The following PKIA variants were observed in gnomAD, a reference collection of about 807,000 sequenced individuals.
PKIA encodes the protein cAMP-dependent protein kinase inhibitor alpha.
A neutral mutation model predicts 7.6 loss-of-function variants in PKIA; 4 were observed. That is an observed-to-expected ratio of 0.52 (90% CI 0.26 to 1.20). PKIA has a LOEUF of 1.20. Ranked by LOEUF, PKIA falls within the 50% of genes most tolerant of loss-of-function variation. The pLI, the probability that PKIA is intolerant of heterozygous loss-of-function variation, is 0.13. For missense variants in PKIA, 73 were observed against 86.2 expected, an observed-to-expected ratio of 0.85 and a Z score of 0.61; for synonymous variants, 21 against 30.7, an observed-to-expected ratio of 0.68 and a Z score of 1.04.
Position 78,601,943 on chromosome 8 carries a change from C to T in PKIA, c.*122C>T. 3 of 731,514 alleles carry T rather than the reference C, an allele frequency of 4.1e-6. No individual in the cohort carries two copies. The highest frequency in any genetic ancestry group is 6.9e-6 in the Non-Finnish European group (3 of 436,816). The allele number at this position is 731,514 out of a possible 1,614,324, so 45.3% of individuals were successfully genotyped here. A position where few individuals can be genotyped will look rare whatever the true frequency, so the allele number is the denominator to read the frequency against. ...AAATGGCTGTGCTGCATTGCAGGAACCTGCTCATTATCATGTTAAAAATGA... is the reference window on the plus strand; with the variant it reads ...AAATGGCTGTGCTGCATTGCAGGAATCTGCTCATTATCATGTTAAAAATGA... On this transcript the variant is annotated 3_prime_UTR_variant, in exon 4 of 4. Transcript: ENST00000396418.
chr8:78,555,364 G>A (rs1024943302), intron 1 of PKIA, among the ~76,000 whole-genome samples: 3 of 151,768 alleles, frequency 2.0e-5, no homozygotes, highest in Non-Finnish European at 4.4e-5. Context: ...AAATGACTAA[G>A]ATCTTAAAGT....
intron 1 of PKIA, among the ~76,000 whole-genome samples, chr8:78,529,305 A>G (rs773015026): frequency 5.3e-5 from 8 of 152,126 alleles, no homozygotes; most frequent in Non-Finnish European, 1.0e-4. Context: ...ATGACTAGTA[A>G]TGCTCATTCT....
In PKIA at chr8:78,605,002, A is replaced by G. The variant is rs1197430670; in HGVS notation, c.*3181A>G. ...GCTATTTCTCTTCAGGGAAACAATA[A>G]TGGATAAAGAAATGTAACTGCCGGG... On this transcript the variant is annotated 3_prime_UTR_variant, in exon 4 of 4. Coordinates refer to ENST00000396418, the MANE Select transcript of PKIA (RefSeq NM_006823.4). 1 of 151,988 alleles carries G rather than the reference A, an allele frequency of 6.6e-6. No individual in the cohort carries two copies. The highest frequency in any genetic ancestry group is 1.5e-5 in the Non-Finnish European group (1 of 67,954). 9.4% of individuals were successfully genotyped at this position (151,988 alleles called of 1,614,324 possible). A position where few individuals can be genotyped will look rare whatever the true frequency, so the allele number is the denominator to read the frequency against.
intron 1 of PKIA, among the ~76,000 whole-genome samples, chr8:78,565,606 C>T (rs535857224): frequency 2.6e-5 from 4 of 151,924 alleles, no homozygotes; most frequent in Admixed American, 2.6e-4. Context: ...CCTGGCAGTG[C>T]TCTTGCTATT....
intron 3 of PKIA, among the ~76,000 whole-genome samples, chr8:78,601,354 A>G (rs543795404): frequency 6.6e-6 from 1 of 152,234 alleles, no homozygotes; most frequent in African/African-American, 2.4e-5. Context: ...ATCAGGCATA[A>G]AAAGGTAAAC....
At chr8:78,518,386 TCAA>T (rs1193418339) in intron 1 of PKIA, among the ~76,000 whole-genome samples, 1 of 152,204 alleles carries the variant, frequency 6.6e-6, no homozygotes, top group Non-Finnish European at 1.5e-5. Context: ...AAGAACAAGA[TCAA>T]CAACAAACCC....
chr8:78,576,413 T>C (rs1030012585), intron 2 of PKIA, among the ~76,000 whole-genome samples: 10 of 152,000 alleles, frequency 6.6e-5, no homozygotes, highest in African/African-American at 2.2e-4. Flanking sequence ...CTTGCTAATA[T>C]TACCTGTTAA....
chr8:78,522,675 T>C (rs1399874230), intron 1 of PKIA, among the ~76,000 whole-genome samples: 2 of 151,938 alleles, frequency 1.3e-5, no homozygotes, highest in Non-Finnish European at 2.9e-5. Flanking sequence ...TTATCATAGA[T>C]GACAAAGTGC....
At chr8:78,600,684 A>G (rs929177270) in intron 3 of PKIA, among the ~76,000 whole-genome samples, 2 of 152,120 alleles carry the variant, frequency 1.3e-5, no homozygotes, top group African/African-American at 4.8e-5. Flanking sequence ...TGAAAATTAT[A>G]TATAATGTCT....
In PKIA at chr8:78,602,718, A is replaced by ATATATATAT. The variant is rs1808381705; in HGVS notation, c.*897_*898insTATATATAT. The ATATATATAT allele has an allele frequency of 7.8e-6, 1 of 128,440 alleles. No individual in the cohort carries two copies. The highest frequency in any genetic ancestry group is 3.2e-5 in the African/African-American group (1 of 31,262). The allele number at this position is 128,440 out of a possible 1,614,324, so 8.0% of individuals were successfully genotyped here. ...TAATATATATATATATATATATTTTAATTTATGAGAATTTTGGACAATTGG... is the reference window on the plus strand; with the variant it reads ...TAATATATATATATATATATATTTTATATATATATATTTATGAGAATTTTGGACAATTGG... On this transcript the variant is annotated 3_prime_UTR_variant, in exon 4 of 4. Transcript: ENST00000396418.
At chr8:78,593,043 C>G (rs1209118216) in intron 2 of PKIA, among the ~76,000 whole-genome samples, 1 of 152,132 alleles carries the variant, frequency 6.6e-6, no homozygotes, top group African/African-American at 2.4e-5. Flanking sequence ...CTTATTTTCT[C>G]CATCTGAAAA....
At chr8:78,533,711 A>T (rs1806449344) in intron 1 of PKIA, among the ~76,000 whole-genome samples, 1 of 152,094 alleles carries the variant, frequency 6.6e-6, no homozygotes, top group Non-Finnish European at 1.5e-5. Flanking sequence ...CTTTAAAAAA[A>T]TTTGCCAGGT....
intron 2 of PKIA, among the ~76,000 whole-genome samples, chr8:78,587,580 A>G (rs942130802): frequency 6.6e-6 from 1 of 152,186 alleles, no homozygotes; most frequent in Non-Finnish European, 1.5e-5. Context: ...TATTAAATAT[A>G]TGATATAAAA....
At chr8:78,541,567 T>C (rs576533643) in intron 1 of PKIA, among the ~76,000 whole-genome samples, 1 of 152,294 alleles carries the variant, frequency 6.6e-6, no homozygotes, top group African/African-American at 2.4e-5. Flanking sequence ...GAACTTTTGT[T>C]AAAACATTGC....
At chr8:78,597,175 G>T (rs575811243) in intron 2 of PKIA, among the ~76,000 whole-genome samples, 101 of 152,058 alleles carry the variant, frequency 6.6e-4, no homozygotes, top group African/African-American at 1.8e-3. Flanking sequence ...CTCTTTTTTG[G>T]TTCTTTACGA....
chr8:78,589,395 C>A (rs192026607), intron 2 of PKIA, among the ~76,000 whole-genome samples: 1 of 152,220 alleles, frequency 6.6e-6, no homozygotes, highest in African/African-American at 2.4e-5. Flanking sequence ...AAAGTATTTT[C>A]TAAAGAAAGA....
At chr8:78,565,391 C>G (rs886812161) in intron 1 of PKIA, among the ~76,000 whole-genome samples, 1 of 152,020 alleles carries the variant, frequency 6.6e-6, no homozygotes, top group Admixed American at 6.6e-5. Flanking sequence ...CTGATATGAA[C>G]ACATCCACTA....
At chr8:78,522,997 T>C (rs1809446017) in intron 1 of PKIA, among the ~76,000 whole-genome samples, 1 of 151,936 alleles carries the variant, frequency 6.6e-6, no homozygotes, top group South Asian at 2.1e-4. Context: ...ATAAACAGAA[T>C]TGGCAAGACT....
chr8:78,524,132 A>C (rs1249040095), intron 1 of PKIA, among the ~76,000 whole-genome samples: 1 of 136,908 alleles, frequency 7.3e-6, no homozygotes, highest in Non-Finnish European at 1.5e-5. Flanking sequence ...ATTTATATTT[A>C]TATATAAACA....
Sources: gnomAD v4.1 joint callset for allele counts (sites outside exome capture counted in the v4.1 genomes callset) on GRCh38, gnomAD v4.1.1 for gene constraint, MANE v1.5 for transcripts, NCBI Gene and HGNC (gene_info 2026-07-23, HGNC 2026-07-21) for gene names.